The following ZFPM2 variants were observed in gnomAD, a reference collection of about 807,000 sequenced individuals.
The protein encoded by ZFPM2 is zinc finger protein ZFPM2.
Under a neutral mutation model 98.6 loss-of-function variants are expected in ZFPM2, and 20 were observed. The observed-to-expected ratio is 0.20, with a 90% CI of 0.14 to 0.29. ZFPM2 has a LOEUF of 0.29. Ranked by LOEUF, ZFPM2 falls within the 10% of genes least tolerant of loss-of-function variation. The probability of loss-of-function intolerance (pLI) is 1.00; values close to 1 mark genes in which losing one functional copy is unlikely to be tolerated. For synonymous variants in ZFPM2, 518 were observed against 502.7 expected (o/e 1.03, Z -0.41); for missense variants, 1,310 against 1,388.6 (o/e 0.94, Z 0.90).
intron 5 of ZFPM2, among the ~76,000 whole-genome samples, chr8:105,741,772 A>G (rs1812220086): frequency 6.6e-6 from 1 of 152,060 alleles, no homozygotes; most frequent in South Asian, 2.1e-4. Context: ...GTAAAATGAG[A>G]TAGGATTGCT....
At chr8:105,545,156 A>G (rs568923641) in intron 3 of ZFPM2, among the ~76,000 whole-genome samples, 1 of 152,122 alleles carries the variant, frequency 6.6e-6, no homozygotes, top group East Asian at 1.9e-4. Context: ...TTTGATAGAG[A>G]TATTTGTAAG....
intron 1 of ZFPM2, among the ~76,000 whole-genome samples, chr8:105,391,588 A>G (rs1169478751): frequency 6.6e-6 from 1 of 152,238 alleles, no homozygotes; most frequent in African/African-American, 2.4e-5. Flanking sequence ...AATAATGTCT[A>G]TAAAATATTC....
chr8:105,386,451 G>A (rs1047424975), intron 1 of ZFPM2, among the ~76,000 whole-genome samples: 2 of 152,094 alleles, frequency 1.3e-5, no homozygotes, highest in African/African-American at 4.8e-5. Flanking sequence ...GGACCCTCGT[G>A]GTGAGTGTTA....
At chr8:105,602,893 A>C (rs774009678) in intron 4 of ZFPM2, among the ~76,000 whole-genome samples, 2 of 152,146 alleles carry the variant, frequency 1.3e-5, no homozygotes, top group South Asian at 4.1e-4. Flanking sequence ...CAAAGCTCAC[A>C]GACTGGATAC....
chr8:105,506,363 A>G (rs1813698612), intron 3 of ZFPM2, among the ~76,000 whole-genome samples: 1 of 152,230 alleles, frequency 6.6e-6, no homozygotes, highest in Admixed American at 6.5e-5. Context: ...TTATTTTCCA[A>G]GTGCTTTGTA....
At chr8:105,545,020 A>T (rs1486104843) in intron 3 of ZFPM2, among the ~76,000 whole-genome samples, 1 of 152,074 alleles carries the variant, frequency 6.6e-6, no homozygotes, top group Non-Finnish European at 1.5e-5. Context: ...TTTCCTGAGG[A>T]TATGCTTTAT....
At chr8:105,352,784 T>C (rs1393065839) in intron 1 of ZFPM2, among the ~76,000 whole-genome samples, 1 of 152,120 alleles carries the variant, frequency 6.6e-6, no homozygotes, top group African/African-American at 2.4e-5. Flanking sequence ...GCTTTTTGCT[T>C]ACTGAAAAAT....
chr8:105,543,491 C>T (rs747873965), intron 3 of ZFPM2, among the ~76,000 whole-genome samples: 1 of 152,126 alleles, frequency 6.6e-6, no homozygotes, highest in Non-Finnish European at 1.5e-5. Context: ...CATATGGGCT[C>T]TTCCTGACTC....
intron 4 of ZFPM2, among the ~76,000 whole-genome samples, chr8:105,607,272 G>T (rs1816215404): frequency 6.6e-6 from 1 of 152,002 alleles, no homozygotes; most frequent in Non-Finnish European, 1.5e-5. Context: ...ATTCTGCCAA[G>T]AAAACCTTAT....
chr8:105,416,178 C>A, intron 1 of ZFPM2, among the ~76,000 whole-genome samples: 1 of 151,164 alleles, frequency 6.6e-6, no homozygotes, highest in Non-Finnish European at 1.5e-5. Flanking sequence ...TATAAAATTG[C>A]CATAACATGA....
At chr8:105,460,572 G>A (rs1347255769) in intron 3 of ZFPM2, among the ~76,000 whole-genome samples, 2 of 152,068 alleles carry the variant, frequency 1.3e-5, no homozygotes, top group Admixed American at 1.3e-4. Flanking sequence ...AGTGAGTTGA[G>A]GGCTTGCATT....
chr8:105,399,211 A>G (rs747352990), intron 1 of ZFPM2, among the ~76,000 whole-genome samples: 8 of 152,206 alleles, frequency 5.3e-5, no homozygotes, highest in Non-Finnish European at 7.3e-5. Flanking sequence ...GACAGAAGAC[A>G]TAAAAGCAGA....
intron 5 of ZFPM2, among the ~76,000 whole-genome samples, chr8:105,754,128 C>T (rs1159134837): frequency 2.0e-5 from 3 of 151,982 alleles, no homozygotes; most frequent in Non-Finnish European, 2.9e-5. Flanking sequence ...ACCTTTTTTC[C>T]TAGTGAGATG....
intron 5 of ZFPM2, among the ~76,000 whole-genome samples, chr8:105,638,157 C>G (rs1816884831): frequency 6.6e-6 from 1 of 152,044 alleles, no homozygotes. Flanking sequence ...CTTATTCCAC[C>G]AGCATAGCAA....
chr8:105,619,650 A>G (rs758820724), intron 4 of ZFPM2, among the ~76,000 whole-genome samples: 4 of 152,070 alleles, frequency 2.6e-5, no homozygotes, highest in Non-Finnish European at 5.9e-5. Context: ...CATCATTTAC[A>G]TTAGGTATAT....
At chr8:105,579,719 C>T (rs1337849889) in intron 4 of ZFPM2, among the ~76,000 whole-genome samples, 1 of 152,148 alleles carries the variant, frequency 6.6e-6, no homozygotes, top group African/African-American at 2.4e-5. Context: ...CATTTGCTTT[C>T]TCTTTGCGTA....
intron 3 of ZFPM2, among the ~76,000 whole-genome samples, chr8:105,530,514 T>C (rs898648580): frequency 6.6e-6 from 1 of 152,170 alleles, no homozygotes; most frequent in Admixed American, 6.6e-5. Context: ...GAGGGGTTTC[T>C]TCCTGACTTG....
At chr8:105,344,893 A>T (rs1165035296) in intron 1 of ZFPM2, among the ~76,000 whole-genome samples, 1 of 152,170 alleles carries the variant, frequency 6.6e-6, no homozygotes, top group Non-Finnish European at 1.5e-5. Flanking sequence ...TTACAACTTT[A>T]TATGCGTGGA....
At chr8:105,672,428 A>T (rs1331673240) in intron 5 of ZFPM2, among the ~76,000 whole-genome samples, 2 of 151,972 alleles carry the variant, frequency 1.3e-5, no homozygotes, top group African/African-American at 4.8e-5. Context: ...TACATTTTTC[A>T]TACTTGTCTC....
Sources: gnomAD v4.1 joint callset for allele counts (sites outside exome capture counted in the v4.1 genomes callset) on GRCh38, gnomAD v4.1.1 for gene constraint, MANE v1.5 for transcripts, NCBI Gene and HGNC (gene_info 2026-07-23, HGNC 2026-07-21) for gene names.